The following MACROD2 variants were observed in gnomAD, a reference collection of about 807,000 sequenced individuals.
MACROD2 encodes ADP-ribose glycohydrolase MACROD2.
In MACROD2, 36 loss-of-function variants were observed where a neutral mutation model predicts 70.4. The observed-to-expected ratio is 0.51, with a 90% CI of 0.39 to 0.68. MACROD2 has a LOEUF of 0.68. MACROD2 is among the 30% of genes least tolerant of loss of function. MACROD2 has a pLI of 0.00. For missense variants in MACROD2, 496 were observed against 538.4 expected (o/e 0.92, Z 0.78); for synonymous variants, 172 against 178.8 (o/e 0.96, Z 0.30).
At chr20:14,842,515 A>T (rs983018614) in intron 5 of MACROD2, among the ~76,000 whole-genome samples, 1 of 152,156 alleles carries the variant, frequency 6.6e-6, no homozygotes, top group African/African-American at 2.4e-5. Flanking sequence ...TGTTTACAGT[A>T]TATCTGAGGA....
intron 5 of MACROD2, among the ~76,000 whole-genome samples, chr20:14,984,641 G>T (rs904212258): frequency 8.5e-5 from 13 of 152,196 alleles, no homozygotes; most frequent in African/African-American, 2.9e-4. Flanking sequence ...ATTAGCACAG[G>T]TCTGATGGAT....
intron 4 of MACROD2, among the ~76,000 whole-genome samples, chr20:14,635,848 G>T (rs1049349445): frequency 3.3e-5 from 5 of 152,150 alleles, no homozygotes; most frequent in Non-Finnish European, 7.3e-5. Context: ...TCATTTTAAT[G>T]TAATACTGGG....
chr20:15,719,099 C>T (rs2050747608), intron 8 of MACROD2, among the ~76,000 whole-genome samples: 1 of 152,126 alleles, frequency 6.6e-6, no homozygotes, highest in African/African-American at 2.4e-5. Flanking sequence ...TAATTCTGCA[C>T]ACAGAGAAAT....
At chr20:15,990,090 C>A (rs996542189) in intron 15 of MACROD2, among the ~76,000 whole-genome samples, 2 of 152,152 alleles carry the variant, frequency 1.3e-5, no homozygotes, top group South Asian at 4.2e-4. Flanking sequence ...CCTGGGAGAC[C>A]TGAAATACAA....
chr20:14,608,098 C>A (rs1019959451), intron 4 of MACROD2, among the ~76,000 whole-genome samples: 24 of 151,568 alleles, frequency 1.6e-4, no homozygotes, highest in African/African-American at 5.6e-4. Flanking sequence ...ACTAAAAATA[C>A]AAAAAAAATT....
chr20:15,773,142 T>A lies in MACROD2; in HGVS notation c.646-89603T>A, dbSNP rs191587438. On this transcript the variant is annotated intron_variant, in intron 8 of 17. Coordinates refer to ENST00000684519, the MANE Select transcript of MACROD2 (RefSeq NM_001351661.2). ...ATCCTTTTTTGTACTTTGTTTCATCTGCTCTTATGTCTTTGAACCTCATTT... is the reference window on the plus strand; with the variant it reads ...ATCCTTTTTTGTACTTTGTTTCATCAGCTCTTATGTCTTTGAACCTCATTT... Among the ~76,000 whole-genome samples the A allele has an allele frequency of 8.5e-5, 13 of 152,292 alleles. No homozygotes were observed. In the East Asian group the frequency reaches 2.5e-3, roughly 29 times the overall value.
At chr20:14,976,879 C>T (rs1455211228) in intron 5 of MACROD2, among the ~76,000 whole-genome samples, 1 of 152,106 alleles carries the variant, frequency 6.6e-6, no homozygotes, top group African/African-American at 2.4e-5. Context: ...CAATGCGGGG[C>T]TCTTACTGAG....
At chr20:14,333,300 C>T (rs771585767) in intron 3 of MACROD2, among the ~76,000 whole-genome samples, 9 of 152,096 alleles carry the variant, frequency 5.9e-5, no homozygotes, top group Non-Finnish European at 1.3e-4. Flanking sequence ...TTCCCCGGTA[C>T]GTTTCTGACA....
intron 15 of MACROD2, among the ~76,000 whole-genome samples, chr20:16,006,549 A>C (rs1169837587): frequency 1.3e-5 from 2 of 152,082 alleles, no homozygotes; most frequent in Non-Finnish European, 2.9e-5. Context: ...CTTTTTCCCC[A>C]TACTTGGGAA....
intron 8 of MACROD2, among the ~76,000 whole-genome samples, chr20:15,637,463 A>T (rs2049387898): frequency 6.6e-6 from 1 of 152,166 alleles, no homozygotes; most frequent in South Asian, 2.1e-4. Context: ...AACCCAGGGG[A>T]CCCTGTGACA....
intron 5 of MACROD2, among the ~76,000 whole-genome samples, chr20:14,956,642 T>C (rs76076473): frequency 0.021 from 3,187 of 152,304 alleles, 106 homozygotes; most frequent in African/African-American, 0.072. Context: ...GACATAACCA[T>C]GTTAATTATC....
intron 9 of MACROD2, among the ~76,000 whole-genome samples, chr20:15,872,203 T>C (rs1331335919): frequency 2.6e-5 from 4 of 152,196 alleles, no homozygotes; most frequent in Non-Finnish European, 5.9e-5. Context: ...TCATATGGTA[T>C]ATCCACATGT....
chr20:14,050,504 A>G (rs1014414138), intron 2 of MACROD2, among the ~76,000 whole-genome samples: 2 of 152,190 alleles, frequency 1.3e-5, no homozygotes, highest in African/African-American at 4.8e-5. Flanking sequence ...AGAGACGGAC[A>G]GACGTGTAGA....
intron 7 of MACROD2, among the ~76,000 whole-genome samples, chr20:15,464,270 C>G (rs1390125706): frequency 6.6e-6 from 1 of 152,106 alleles, no homozygotes; most frequent in Non-Finnish European, 1.5e-5. Context: ...CCTGCTTCAG[C>G]CTCCCAACGT....
chr20:14,287,046 T>C (rs183228544), intron 3 of MACROD2, among the ~76,000 whole-genome samples: 18 of 152,286 alleles, frequency 1.2e-4, no homozygotes, highest in Non-Finnish European at 2.5e-4. Flanking sequence ...CATTGAGTGA[T>C]AGGTCTGTTT....
At chr20:14,754,795 ATT>A in intron 5 of MACROD2, among the ~76,000 whole-genome samples, 1 of 143,776 alleles carries the variant, frequency 7.0e-6, no homozygotes, top group South Asian at 2.2e-4. Flanking sequence ...AGGTAAAGTG[ATT>A]TTTTTTTTTT....
intron 4 of MACROD2, among the ~76,000 whole-genome samples, chr20:14,614,308 T>C (rs557558498): frequency 2.0e-5 from 3 of 152,256 alleles, no homozygotes; most frequent in Admixed American, 2.0e-4. Flanking sequence ...AAAACAGTAC[T>C]TAGAACACAT....
chr20:15,948,382 CAAAAAAAAAAAAA>C (rs71192307), intron 12 of MACROD2, among the ~76,000 whole-genome samples: 34 of 43,160 alleles, frequency 7.9e-4, no homozygotes, highest in African/African-American at 1.7e-3. Flanking sequence ...CTTGCAACTG[CAAAAAAAAAAAAA>C]AAAAAAAAAA....
intron 8 of MACROD2, among the ~76,000 whole-genome samples, chr20:15,678,436 T>C (rs866950832): frequency 1.3e-5 from 2 of 151,822 alleles, no homozygotes; most frequent in African/African-American, 4.8e-5. Context: ...CTCGGCTCAC[T>C]GCAAGCTCTG....
Sources: allele counts gnomAD v4.1 joint callset (sites outside exome capture counted in the v4.1 genomes callset), GRCh38; gene constraint gnomAD v4.1.1; transcripts MANE v1.5; gene names NCBI Gene and HGNC (gene_info 2026-07-23, HGNC 2026-07-21).